Variants in HACD2 observed in about 807,000 individuals in gnomAD.
HACD2 encodes 3-hydroxyacyl-CoA dehydratase 2.
Under a neutral mutation model 31.0 loss-of-function variants are expected in HACD2, and 15 were observed. The observed-to-expected ratio is 0.48, with a 90% confidence interval of 0.32 to 0.75. The LOEUF is 0.75. Ranked by LOEUF, HACD2 falls within the 30% of genes least tolerant of loss-of-function variation. The pLI is 0.03. For missense variants in HACD2, 283 were observed against 313.0 expected (o/e 0.90, Z 0.72); for synonymous variants, 115 against 122.2 (o/e 0.94, Z 0.39).
At chr3:123,502,799 G>T in intron 4 of HACD2, 118 bp from the exon 5 acceptor site, 1 of 1,047,086 alleles carries the variant, frequency 9.6e-7, no homozygotes, top group Non-Finnish European at 1.4e-6. Context: ...CTATCTTCAG[G>T]ACCCCTGTAT....
At chr3:123,579,690 A>C (rs764337563) in intron 2 of HACD2, among the ~76,000 whole-genome samples, 1 of 152,138 alleles carries the variant, frequency 6.6e-6, no homozygotes, top group Non-Finnish European at 1.5e-5. Flanking sequence ...ACCCCCTACT[A>C]TATCAAGTAC....
At chr3:123,559,345 G>C (rs376444485) in intron 3 of HACD2, among the ~76,000 whole-genome samples, 1 of 152,080 alleles carries the variant, frequency 6.6e-6, no homozygotes, top group African/African-American at 2.4e-5. Context: ...TTTATCTAGA[G>C]GGAAAAAGGT....
chr3:123,530,087 GTTAAGTTTCAT>G (rs1375874795), intron 3 of HACD2, among the ~76,000 whole-genome samples: 1 of 152,066 alleles, frequency 6.6e-6, no homozygotes, highest in African/African-American at 2.4e-5. Context: ...TTATTAACAT[GTTAAGTTTCAT>G]TTTGCTGGGA....
intron 1 of HACD2, 130 bp from the exon 2 acceptor site, chr3:123,582,459 G>C: frequency 1.9e-6 from 1 of 526,028 alleles, no homozygotes; most frequent in Non-Finnish European, 3.3e-6. Context: ...TGGATTTATG[G>C]ACGATAGCTC....
chr3:123,515,640 GT>G (rs1177046978), intron 4 of HACD2, among the ~76,000 whole-genome samples: 2 of 152,030 alleles, frequency 1.3e-5, no homozygotes, highest in African/African-American at 4.8e-5. Context: ...GAACAAAAAT[GT>G]TAAGTCATTT....
At chr3:123,565,839 A>G (rs1157964709) in intron 3 of HACD2, among the ~76,000 whole-genome samples, 2 of 152,214 alleles carry the variant, frequency 1.3e-5, no homozygotes, top group East Asian at 3.9e-4. Context: ...ATGAAAGGAT[A>G]AAATTTTTCA....
At chr3:123,525,185 G>A (rs951952521) in intron 4 of HACD2, among the ~76,000 whole-genome samples, 3 of 152,146 alleles carry the variant, frequency 2.0e-5, no homozygotes, top group Admixed American at 6.6e-5. Context: ...GGCTTGTTTC[G>A]CCAGAGCTTT....
At chr3:123,526,276 T>C (rs1287015627) in intron 4 of HACD2, among the ~76,000 whole-genome samples, 1 of 152,168 alleles carries the variant, frequency 6.6e-6, no homozygotes, top group Non-Finnish European at 1.5e-5. Flanking sequence ...AGGGCAGGGA[T>C]GGAGGGCACC....
chr3:123,562,367 G>T (rs1262270027), intron 3 of HACD2, among the ~76,000 whole-genome samples: 2 of 152,144 alleles, frequency 1.3e-5, no homozygotes, highest in Non-Finnish European at 2.9e-5. Flanking sequence ...TCACAACCGT[G>T]AGCAAGACGC....
At chr3:123,565,933 G>C (rs1038666653) in intron 3 of HACD2, among the ~76,000 whole-genome samples, 1 of 152,182 alleles carries the variant, frequency 6.6e-6, no homozygotes, top group East Asian at 1.9e-4. Flanking sequence ...AATGAAATCA[G>C]GCAGGTGTCA....
At chr3:123,527,669 C>G (rs2056300725) in intron 4 of HACD2, among the ~76,000 whole-genome samples, 1 of 152,172 alleles carries the variant, frequency 6.6e-6, no homozygotes. Context: ...AAACTGTATG[C>G]TAAAGTTGCT....
chr3:123,514,326 T>C, intron 4 of HACD2, among the ~76,000 whole-genome samples: 1 of 151,986 alleles, frequency 6.6e-6, no homozygotes, highest in East Asian at 1.9e-4. Flanking sequence ...TGAAGTAAAA[T>C]GCCAATAATT....
At chr3:123,519,481 T>C (rs1185167727) in intron 4 of HACD2, among the ~76,000 whole-genome samples, 1 of 152,240 alleles carries the variant, frequency 6.6e-6, no homozygotes, top group African/African-American at 2.4e-5. Flanking sequence ...AAATACACTG[T>C]ATGGATATTT....
intron 4 of HACD2, chr3:123,502,912 G>A: frequency 1.3e-5 from 6 of 452,954 alleles, no homozygotes; most frequent in Non-Finnish European, 2.4e-5. Context: ...AGGAGTGAGA[G>A]CAGCAGGGTG....
chr3:123,570,642 T>C (rs921604008), intron 2 of HACD2, among the ~76,000 whole-genome samples: 2 of 152,224 alleles, frequency 1.3e-5, no homozygotes, highest in Non-Finnish European at 2.9e-5. Context: ...CTAGGTTATG[T>C]CATGGGATGG....
At chr3:123,535,067 G>A (rs1459539381) in intron 3 of HACD2, among the ~76,000 whole-genome samples, 2 of 152,124 alleles carry the variant, frequency 1.3e-5, no homozygotes, top group East Asian at 3.8e-4. Context: ...TAAGTGTACA[G>A]GGTTCATAAA....
At position 123,517,646 on chromosome 3, in the gene HACD2, C is replaced by A. The variant is rs930701112; in HGVS notation, c.381+10740G>T. Among the ~76,000 whole-genome samples, 3 of 152,128 alleles carry A rather than the reference C, an allele frequency of 2.0e-5. No individual in the cohort carries two copies. In the South Asian group the frequency reaches 6.2e-4, roughly 31 times the overall value. Reference sequence around the variant, plus strand: ...TCTCCAAATGCAGTATCCCAATGTGCCCACCCAACACTCCAGAGGGGAGAA... The same window carrying A: ...TCTCCAAATGCAGTATCCCAATGTGACCACCCAACACTCCAGAGGGGAGAA... On this transcript the variant is annotated intron_variant, in intron 4 of 6. Transcript: ENST00000383657.
chr3:123,582,767 T>C (rs1434485095), intron 1 of HACD2, among the ~76,000 whole-genome samples: 1 of 152,216 alleles, frequency 6.6e-6, no homozygotes, highest in Non-Finnish European at 1.5e-5. Flanking sequence ...TAAACTATTG[T>C]TATAATTGTC....
chr3:123,531,257 T>C (rs1281711227), intron 3 of HACD2, among the ~76,000 whole-genome samples: 2 of 152,236 alleles, frequency 1.3e-5, no homozygotes, highest in African/African-American at 4.8e-5. Context: ...CACCCTTCTC[T>C]AGGGAATATA....
Sources: gnomAD v4.1 joint callset for allele counts (sites outside exome capture counted in the v4.1 genomes callset) on GRCh38, gnomAD v4.1.1 for gene constraint, MANE v1.5 for transcripts, NCBI Gene and HGNC (gene_info 2026-07-23, HGNC 2026-07-21) for gene names.